EDRF1: variants seen among roughly 807,000 people sequenced by gnomAD.
EDRF1 encodes erythroid differentiation-related factor 1.
EDRF1 carries 69 observed loss-of-function variants against 148.7 expected under a neutral mutation model. The observed-to-expected ratio is 0.46, with a 90% CI of 0.38 to 0.57. The LOEUF (loss-of-function observed/expected upper bound fraction) is 0.57. EDRF1 is among the 20% of genes least tolerant of loss of function. The pLI is 0.00. For missense variants in EDRF1, 1,118 were observed against 1,478.7 expected (o/e 0.76, Z 4.00); for synonymous variants, 515 against 532.8 (o/e 0.97, Z 0.46).
intron 6 of EDRF1, 121 bp downstream of exon 6, chr10:125,725,959 G>A: frequency 2.7e-6 from 3 of 1,111,584 alleles, no homozygotes; most frequent in Non-Finnish European, 3.8e-6. Flanking sequence ...TTATGGAATG[G>A]GGGAAAAAAG....
rs775067992 is a variant in EDRF1, at chr10:125,736,785, C to G, written c.1758+881C>G. Among the ~76,000 whole-genome samples, 43 of 151,642 alleles carry G rather than the reference C, an allele frequency of 2.8e-4. 1 individual carries two copies. The highest frequency in any genetic ancestry group is 1.6e-4 in the Non-Finnish European group (11 of 67,954). On this transcript the variant is annotated intron_variant, in intron 13 of 24. Transcript: ENST00000356792. ...TTGCTTCTGCTTGGAATGTACCTAC[C>G]CTAGGTCTGTTCATGGCTGCCTTTT...
At chr10:125,729,257 T>C in intron 7 of EDRF1, 101 bp from the exon 8 acceptor site, 1 of 1,512,518 alleles carries the variant, frequency 6.6e-7, no homozygotes, top group Non-Finnish European at 9.1e-7. Context: ...GGGGCCTGAC[T>C]TTGTCTTCTT....
Position 125,740,475 on chromosome 10 carries a change from A to G in EDRF1, c.1994A>G (p.Gln665Arg), listed in dbSNP as rs779822989. ...CTCCATGTCACAGTGGGCTCCCTTCAGAAGGGCAATTATTCCAGTCAATCT... is the reference window on the plus strand; with the variant it reads ...CTCCATGTCACAGTGGGCTCCCTTCGGAAGGGCAATTATTCCAGTCAATCT... Reference protein sequence around the residue: ...ALFLDKMGSLQKGNYSSQSGM... With the variant: ...ALFLDKMGSLRKGNYSSQSGM... Residue 665 changes from glutamine to arginine, a missense_variant, in exon 16 of 25, where the codon CAG (glutamine) becomes CGG (arginine). By Grantham distance (43) the Gln-to-Arg change is conservative. Around this residue, in one of 3 missense-constraint regions of EDRF1, gnomAD observed 954 missense variants for 1,241.4 expected, o/e 0.77. Coordinates refer to ENST00000356792, the MANE Select transcript of EDRF1 (RefSeq NM_001202438.2). The G allele has an allele frequency of 4.3e-6, 7 of 1,613,994 alleles. No individual in the cohort carries two copies. The Admixed American group carries it at 1.2e-4, about 27-fold the overall frequency.
intron 11 of EDRF1, 138 bp from the exon 12 acceptor site, chr10:125,733,934 T>G (rs1191291393): frequency 1.1e-5 from 10 of 891,042 alleles, no homozygotes; most frequent in South Asian, 3.0e-5. Context: ...GTTTTGGGGG[T>G]TGTGGGTAAA....
Position 125,719,895 on chromosome 10 carries a change from T to A in EDRF1, c.88T>A (p.Ser30Thr), listed in dbSNP as rs780656352. Residue 30 changes from serine to threonine, a missense_variant, in exon 1 of 25, where the codon TCC becomes ACC. Physicochemically the swap from Ser to Thr is moderately conservative, Grantham distance 58. This residue lies in a region of EDRF1 where 65 missense variants were observed against 50.3 expected (regional missense o/e 1.29). Coordinates refer to ENST00000356792, the MANE Select transcript of EDRF1 (RefSeq NM_001202438.2). ...GCTCAGCCTCCTGTCCCAGGGAGAA[T>A]CCGAGGAATCTTCTGCACAGGTGAG... ...GGLSLLSQGESEESSAQGSAL... is the reference protein window; with the variant it reads ...GGLSLLSQGETEESSAQGSAL... 2 of 1,612,974 alleles carry A rather than the reference T, an allele frequency of 1.2e-6. No homozygotes were observed. The highest frequency in any genetic ancestry group is 3.3e-5 in the Admixed American group (2 of 59,978).
At position 125,735,634 on chromosome 10, in the gene EDRF1, T is replaced by A. The variant is rs1358423181; in HGVS notation, c.1498-10T>A. 6.2e-6 allele frequency: 10 copies of A among 1,611,482 alleles called. No homozygotes were observed. Among genetic ancestry groups the A allele is most frequent in the Non-Finnish European group, 8.5e-6 (10 of 1,178,580 alleles). ...CAGTAATTTACACATATTTCTCTCT[T>A]TTTCATAAGATTATTGCTTCCGCCA... On this transcript the variant is annotated splice_polypyrimidine_tract_variant and intron_variant, in intron 12 of 24. Transcript: ENST00000356792.
At chr10:125,761,837 G>A (rs1850207595) in intron 24 of EDRF1, among the ~76,000 whole-genome samples, 1 of 152,144 alleles carries the variant, frequency 6.6e-6, no homozygotes, top group East Asian at 1.9e-4. Flanking sequence ...TGTCCACAAA[G>A]AATAAGTCAT....
chr10:125,719,766 T>C lies in EDRF1; in HGVS notation c.-42T>C, dbSNP rs765601113. ...TTTGGGCCTGCGTTGCTGCTGCTGCTCCTCCGCTCCCCCGTCGTATCGCCT... is the reference window on the plus strand; with the variant it reads ...TTTGGGCCTGCGTTGCTGCTGCTGCCCCTCCGCTCCCCCGTCGTATCGCCT... On this transcript the variant is annotated 5_prime_UTR_variant, in exon 1 of 25. Transcript: ENST00000356792. 2.6e-6 allele frequency: 4 copies of C among 1,537,832 alleles called. No homozygotes were observed. Among genetic ancestry groups the C allele is most frequent in the Non-Finnish European group, 3.6e-6 (4 of 1,124,986 alleles).
At position 125,742,707 on chromosome 10, in the gene EDRF1, C is replaced by T. The variant is rs11244628; in HGVS notation, c.2372-351C>T. 8.1e-6 allele frequency: 8 copies of T among 984,470 alleles called. No homozygotes were observed. The East Asian group carries it at 5.7e-4, about 70-fold the overall frequency. 61.0% of individuals were successfully genotyped at this position (984,470 alleles called of 1,614,324 possible). A position where few individuals can be genotyped will look rare whatever the true frequency, so the allele number is the denominator to read the frequency against. On this transcript the variant is annotated intron_variant, in intron 17 of 24. Transcript: ENST00000356792. ...TAAAGTTAATATTGGGACATTATTT[C>T]AAGAACTATTTCCATTAGTTAAAAA...
chr10:125,759,790 A>G (rs936666229), intron 24 of EDRF1, among the ~76,000 whole-genome samples: 2 of 151,876 alleles, frequency 1.3e-5, no homozygotes, highest in Non-Finnish European at 2.9e-5. Context: ...GGCTCACTGC[A>G]AGCTCCGCCT....
At chr10:125,740,896 G>T (rs973598473) in intron 16 of EDRF1, 105 bp from the exon 17 acceptor site, 51 of 1,246,392 alleles carry the variant, frequency 4.1e-5, no homozygotes, top group Non-Finnish European at 5.7e-5. Flanking sequence ...AATAGATACA[G>T]TGCTACAAAG....
At chr10:125,737,836 A>T in intron 13 of EDRF1, 82 bp from the exon 14 acceptor site, 2 of 1,356,718 alleles carry the variant, frequency 1.5e-6, no homozygotes, top group Non-Finnish European at 1.1e-6. Flanking sequence ...TAATGCTTAC[A>T]GTAATTTAAT....
rs779733068 is a variant in EDRF1 at position 125,745,889 on chromosome 10, A to G, written c.2773A>G (p.Lys925Glu). 20 of 1,614,126 alleles carry G rather than the reference A, an allele frequency of 1.2e-5. No individual in the cohort carries two copies. The highest frequency in any genetic ancestry group is 8.3e-5 in the Admixed American group (5 of 60,010). ...CCACTGTGGTGCAGGGGATGAACTG[A>G]AACGTGAATTTTCACCAGAAGAAGG... ...QAHCGAGDELKREFSPEEGLY... is the reference protein window; with the variant it reads ...QAHCGAGDELEREFSPEEGLY... Residue 925 changes from lysine to glutamate, a missense_variant, in exon 19 of 25, where the codon AAA becomes GAA. Coordinates refer to ENST00000356792, the MANE Select transcript of EDRF1 (RefSeq NM_001202438.2).
chr10:125,751,723 G>T (rs1849652548), intron 22 of EDRF1, among the ~76,000 whole-genome samples: 1 of 152,186 alleles, frequency 6.6e-6, no homozygotes, highest in South Asian at 2.1e-4. Context: ...CCACCCTCAG[G>T]TTTGAGAATT....
chr10:125,726,556 G>A (rs1459677318), intron 6 of EDRF1, among the ~76,000 whole-genome samples: 3 of 152,154 alleles, frequency 2.0e-5, no homozygotes, highest in Non-Finnish European at 4.4e-5. Context: ...TAGATAATAA[G>A]ATCTGTGACT....
intron 9 of EDRF1, among the ~76,000 whole-genome samples, chr10:125,732,855 C>G (rs968099053): frequency 2.0e-5 from 3 of 152,018 alleles, no homozygotes; most frequent in African/African-American, 7.2e-5. Flanking sequence ...GTCCATGAAG[C>G]CTTTACTCTT....
At chr10:125,734,565 G>C (rs1848639361) in intron 12 of EDRF1, among the ~76,000 whole-genome samples, 1 of 152,030 alleles carries the variant, frequency 6.6e-6, no homozygotes, top group Admixed American at 6.6e-5. Flanking sequence ...AATGAATTTA[G>C]AATTCATGTA....
intron 8 of EDRF1, 91 bp downstream of exon 8, chr10:125,729,570 CAA>C: frequency 1.3e-6 from 2 of 1,505,726 alleles, no homozygotes; most frequent in Non-Finnish European, 1.8e-6. Flanking sequence ...TGCAGTGAGC[CAA>C]GATCATGCTA....
chr10:125,729,256 C>A, intron 7 of EDRF1, 102 bp from the exon 8 acceptor site: 1 of 1,506,798 alleles, frequency 6.6e-7, no homozygotes, highest in East Asian at 2.3e-5. Flanking sequence ...TGGGGCCTGA[C>A]TTTGTCTTCT....
Sources: gnomAD v4.1 joint callset for allele counts (sites outside exome capture counted in the v4.1 genomes callset) on GRCh38, gnomAD v4.1.1 for gene constraint, gnomAD v4.1.1 regional missense constraint, MANE v1.5 for transcripts, NCBI Gene and HGNC (gene_info 2026-07-23, HGNC 2026-07-21) for gene names.